The following LRRC4C variants were observed in gnomAD, a reference collection of about 807,000 sequenced individuals.
The protein encoded by LRRC4C is leucine rich repeat containing 4C, also known as leucine-rich repeat-containing protein 4C.
In LRRC4C, 5 loss-of-function variants were observed where a neutral mutation model predicts 33.6. That is an observed-to-expected ratio of 0.15 (90% CI 0.08 to 0.31). LRRC4C has a LOEUF of 0.31. LRRC4C is among the 10% of genes least tolerant of loss of function. The pLI, the probability that LRRC4C is intolerant of heterozygous loss-of-function variation, is 1.00. For missense variants in LRRC4C, 560 were observed against 796.7 expected (o/e 0.70, Z 3.58); for synonymous variants, 329 against 302.0 (o/e 1.09, Z -0.93).
chr11:41,366,345 A>G lies in LRRC4C; in HGVS notation c.-496+93086T>C, dbSNP rs186912986. 5.8e-3 allele frequency among the ~76,000 whole-genome samples: 881 copies of G among 152,272 alleles called. 6 individuals carry two copies. Among genetic ancestry groups the G allele is most frequent in the African/African-American group, 0.02 (842 of 41,558 alleles). Reference sequence around the variant, plus strand: ...TTATCAACTGATATTAATTCTAGACAAAGAAAAAAATAGAAAGATACTCTA... The same window carrying G: ...TTATCAACTGATATTAATTCTAGACGAAGAAAAAAATAGAAAGATACTCTA... On this transcript the variant is annotated intron_variant, in intron 1 of 6. Coordinates refer to ENST00000528697, the MANE Select transcript of LRRC4C (RefSeq NM_001258419.2).
chr11:40,615,511 A>G (rs1025744582), intron 3 of LRRC4C, among the ~76,000 whole-genome samples: 4 of 151,500 alleles, frequency 2.6e-5, no homozygotes, highest in African/African-American at 9.7e-5. Context: ...ATCCATGCCA[A>G]TATTTACTGG....
intron 1 of LRRC4C, among the ~76,000 whole-genome samples, chr11:41,080,343 T>A (rs1003341720): frequency 1.3e-4 from 1 of 7,510 alleles, no homozygotes; most frequent in Non-Finnish European, 7.3e-4. Context: ...AGTCTCCTCC[T>A]TTTTTTTTTT....
intron 3 of LRRC4C, among the ~76,000 whole-genome samples, chr11:40,343,637 G>T (rs1486194196): frequency 1.4e-5 from 2 of 138,154 alleles, no homozygotes; most frequent in African/African-American, 5.3e-5. Context: ...AATATGGAGT[G>T]ATATATAAAG....
chr11:40,739,895 T>C (rs1235733146), intron 2 of LRRC4C, among the ~76,000 whole-genome samples: 1 of 151,892 alleles, frequency 6.6e-6, no homozygotes, highest in African/African-American at 2.4e-5. Context: ...ATATGATATG[T>C]ATGTATGTAT....
intron 3 of LRRC4C, among the ~76,000 whole-genome samples, chr11:40,385,911 A>T (rs1395157072): frequency 2.2e-5 from 3 of 138,472 alleles, no homozygotes; most frequent in Admixed American, 7.4e-5. Context: ...TAAAATAAAA[A>T]AATAAAAAAG....
intron 1 of LRRC4C, among the ~76,000 whole-genome samples, chr11:41,452,186 T>C (rs1956048824): frequency 2.0e-5 from 3 of 152,112 alleles, no homozygotes. Context: ...ATCATATGGT[T>C]GAAAAAATGT....
chr11:40,405,827 T>C (rs1040209018), intron 3 of LRRC4C, among the ~76,000 whole-genome samples: 1 of 151,478 alleles, frequency 6.6e-6, no homozygotes, highest in African/African-American at 2.4e-5. Context: ...CTGGGCTAAT[T>C]TGGACTGTGT....
intron 3 of LRRC4C, among the ~76,000 whole-genome samples, chr11:40,327,425 C>G (rs1946154089): frequency 6.6e-6 from 1 of 152,014 alleles, no homozygotes; most frequent in Non-Finnish European, 1.5e-5. Flanking sequence ...AATGAATGAC[C>G]AAGAAAAGGG....
At chr11:40,151,699 A>C (rs1015864449) in intron 5 of LRRC4C, among the ~76,000 whole-genome samples, 1 of 152,190 alleles carries the variant, frequency 6.6e-6, no homozygotes, top group Non-Finnish European at 1.5e-5. Context: ...CATATTGAGT[A>C]AACCATTATA....
chr11:40,472,880 C>T (rs148656856), intron 3 of LRRC4C, among the ~76,000 whole-genome samples: 15,384 of 152,180 alleles, frequency 0.1, 898 homozygotes, highest in East Asian at 0.13. Context: ...TTCCTGGACA[C>T]ATACACCCTC....
intron 1 of LRRC4C, among the ~76,000 whole-genome samples, chr11:41,053,393 A>C (rs183982749): frequency 2.6e-5 from 4 of 152,340 alleles, no homozygotes; most frequent in Admixed American, 2.6e-4. Flanking sequence ...CAGGCTGTAA[A>C]GAATTGAATT....
At chr11:41,326,454 A>G (rs1951120954) in intron 1 of LRRC4C, among the ~76,000 whole-genome samples, 1 of 152,102 alleles carries the variant, frequency 6.6e-6, no homozygotes, top group Admixed American at 6.5e-5. Flanking sequence ...ACGTGAGTCA[A>G]TACTCCTAAT....
chr11:40,716,219 G>T (rs940840063), intron 2 of LRRC4C, among the ~76,000 whole-genome samples: 3 of 152,140 alleles, frequency 2.0e-5, no homozygotes, highest in African/African-American at 7.2e-5. Context: ...ATTGGAGAAA[G>T]ATAGGCATGG....
Position 40,335,094 on chromosome 11 carries a change from A to C in LRRC4C, c.-269-15373T>G, listed in dbSNP as rs573746483. ...TTTTAAATGTACAAACAAAAATCTA[A>C]GGCTTTTATAAATTAAAACATTTAT... On this transcript the variant is annotated intron_variant, in intron 3 of 6. Coordinates refer to ENST00000528697, the MANE Select transcript of LRRC4C (RefSeq NM_001258419.2). Among the ~76,000 whole-genome samples, 256 of 152,314 alleles carry C rather than the reference A, an allele frequency of 1.7e-3. 1 individual carries two copies. Among genetic ancestry groups the C allele is most frequent in the African/African-American group, 5.8e-3 (242 of 41,574 alleles).
At chr11:40,696,653 G>A (rs1191740703) in intron 2 of LRRC4C, among the ~76,000 whole-genome samples, 3 of 148,210 alleles carry the variant, frequency 2.0e-5, no homozygotes, top group African/African-American at 7.4e-5. Context: ...GTTTTAAGGA[G>A]AAAACATACC....
At chr11:40,634,491 C>T (rs758679249) in intron 3 of LRRC4C, among the ~76,000 whole-genome samples, 5 of 152,166 alleles carry the variant, frequency 3.3e-5, no homozygotes, top group Non-Finnish European at 7.4e-5. Context: ...TACTAGAAAG[C>T]GTCACACGTG....
intron 1 of LRRC4C, among the ~76,000 whole-genome samples, chr11:41,058,258 C>T (rs559179673): frequency 1.2e-4 from 19 of 152,248 alleles, no homozygotes; most frequent in Non-Finnish European, 2.6e-4. Flanking sequence ...CAGGAACCAC[C>T]GTGTTCCCCA....
At chr11:40,669,722 G>A (rs1943991258) in intron 2 of LRRC4C, among the ~76,000 whole-genome samples, 2 of 152,080 alleles carry the variant, frequency 1.3e-5, no homozygotes, top group African/African-American at 2.4e-5. Context: ...TTCTGATTTG[G>A]CTGTGCCACT....
intron 1 of LRRC4C, among the ~76,000 whole-genome samples, chr11:41,038,558 T>C (rs1857235175): frequency 6.6e-6 from 1 of 152,190 alleles, no homozygotes; most frequent in African/African-American, 2.4e-5. Flanking sequence ...TATCATGTAC[T>C]CTACAAGATG....
Sources: allele counts gnomAD v4.1 joint callset (sites outside exome capture counted in the v4.1 genomes callset), GRCh38; gene constraint gnomAD v4.1.1; transcripts MANE v1.5; gene names NCBI Gene and HGNC (gene_info 2026-07-23, HGNC 2026-07-21).